TUBA8: variants seen among roughly 807,000 people sequenced by gnomAD.
The protein encoded by TUBA8 is tubulin alpha 8.
TUBA8 carries 29 observed loss-of-function variants against 34.7 expected under a neutral mutation model. The observed-to-expected ratio is 0.84, with a 90% CI of 0.62 to 1.14. TUBA8 has a LOEUF of 1.14. TUBA8 is among the 50% of genes most tolerant of loss of function. The probability of loss-of-function intolerance (pLI) is 0.00; values close to 1 mark genes in which losing one functional copy is unlikely to be tolerated. For missense variants in TUBA8, 541 were observed against 599.2 expected (o/e 0.90, Z 1.01); for synonymous variants, 226 against 231.2 (o/e 0.98, Z 0.21).
intron 1 of TUBA8, chr22:18,113,665 A>G (rs953801854): frequency 2.0e-5 from 3 of 152,278 alleles, no homozygotes; most frequent in Non-Finnish European, 4.4e-5. Context: ...GTAGACAGGC[A>G]TGGCCAAGCT....
intron 1 of TUBA8, chr22:18,116,991 AATT>A (rs1927996053): frequency 6.6e-6 from 1 of 152,340 alleles, no homozygotes; most frequent in Admixed American, 6.5e-5. Context: ...GCGCGTAGTC[AATT>A]ATTATTTGAG....
In TUBA8 at chr22:18,131,378, G is replaced by A; in HGVS notation, c.*242G>A. On this transcript the variant is annotated 3_prime_UTR_variant, in exon 5 of 5. Transcript: ENST00000330423. This position sits in a 1 kb window ranked among gnomAD's most constrained non-coding sequence, Gnocchi z 5.3. ...GAAAGTGAGGGCCACTGTCTCCGGC[G>A]GGTGAGGCTGCAGCCCAGTTTCACA... 7.6e-6 allele frequency: 4 copies of A among 523,522 alleles called. No individual in the cohort carries two copies. The highest frequency in any genetic ancestry group is 4.1e-5 in the South Asian group (2 of 48,254). The allele number at this position is 523,522 out of a possible 1,614,324, so 32.4% of individuals were successfully genotyped here.
chr22:18,123,324 G>C (rs147700690), intron 2 of TUBA8: 6,761 of 144,366 alleles, frequency 0.047, 216 homozygotes, highest in South Asian at 0.1. Context: ...GCGTAATCTC[G>C]GCTCACTGCA....
chr22:18,117,509 C>T (rs1218552041), intron 1 of TUBA8: 1 of 152,306 alleles, frequency 6.6e-6, no homozygotes, highest in African/African-American at 2.4e-5. Flanking sequence ...CCCGATGGCT[C>T]ACGCCTGTAA....
At chr22:18,130,590 A>AT (rs362251) in intron 4 of TUBA8, 17,015 of 479,480 alleles carry the variant, frequency 0.035, 1 homozygote, top group Middle Eastern at 0.048. Flanking sequence ...GGCCTGGCTA[A>AT]TTTTTTTTTT....
intron 1 of TUBA8, chr22:18,114,735 T>C (rs464901): frequency 0.43 from 65,645 of 151,932 alleles, 15,370 homozygotes; most frequent in African/African-American, 0.63. Flanking sequence ...GCACAGGTGG[T>C]CAGGGAGTGT....
In TUBA8 at chr22:18,131,284, C is replaced by T. The variant is rs367759492; in HGVS notation, c.*148C>T. On this transcript the variant is annotated 3_prime_UTR_variant, in exon 5 of 5. Coordinates refer to ENST00000330423, the MANE Select transcript of TUBA8 (RefSeq NM_018943.3). This position sits in a 1 kb window ranked among gnomAD's most constrained non-coding sequence, Gnocchi z 5.3. ...CCTGGCCCCAGTACCCAGGGTGGCA[C>T]GACTGGGCTAAGTGGACACTGAGCT... 9.9e-5 allele frequency: 79 copies of T among 799,560 alleles called. No homozygotes were observed. Among genetic ancestry groups the T allele is most frequent in the African/African-American group, 8.0e-4 (47 of 58,654 alleles). 49.5% of individuals were successfully genotyped at this position (799,560 alleles called of 1,614,324 possible).
intron 4 of TUBA8, chr22:18,127,505 TGCCTCAGCCTCCCAAGTAGCTGG>T (rs1044957260): frequency 6.5e-6 from 1 of 154,816 alleles, no homozygotes; most frequent in Admixed American, 6.4e-5. Flanking sequence ...GCCATTCTCC[TGCCTCAGCCTCCCAAGTAGCTGG>T]GACTACAGGC....
intron 4 of TUBA8, chr22:18,128,996 T>C (rs1482415986): frequency 1.3e-5 from 2 of 152,276 alleles, no homozygotes; most frequent in African/African-American, 2.4e-5. Context: ...GCTGGCCTCA[T>C]AGCTGCCCTG....
intron 1 of TUBA8, chr22:18,112,425 A>C (rs1476522812): frequency 6.6e-6 from 1 of 152,192 alleles, no homozygotes; most frequent in African/African-American, 2.4e-5. Flanking sequence ...TAATATTTAT[A>C]ATATCTAGCA....
chr22:18,130,692 C>A, intron 4 of TUBA8, 151 bp from the exon 5 acceptor site: 2 of 976,124 alleles, frequency 2.0e-6, no homozygotes, highest in Non-Finnish European at 3.1e-6. Flanking sequence ...CTTCCCCAGT[C>A]CCATCCCGCC....
At position 18,118,256 on chromosome 22, in the gene TUBA8, T is replaced by C. The variant is rs1278495872; in HGVS notation, c.4-3223T>C. On this transcript the variant is annotated intron_variant, in intron 1 of 4. Transcript: ENST00000330423. The surrounding 1 kb of genome is among the most constrained non-coding windows in gnomAD (Gnocchi z 4.0). ...TAGGGCAATATTTGATAATCTATTA[T>C]TCGGTCCACATTGCTTAGCAGACAT... 1 of 152,222 alleles carries C rather than the reference T, an allele frequency of 6.6e-6. No homozygotes were observed. Among genetic ancestry groups the C allele is most frequent in the Non-Finnish European group, 1.5e-5 (1 of 68,042 alleles). 9.4% of individuals were successfully genotyped at this position (152,222 alleles called of 1,614,324 possible). A position where few individuals can be genotyped will look rare whatever the true frequency, so the allele number is the denominator to read the frequency against.
chr22:18,127,383 A>C, intron 4 of TUBA8: 2 of 198,162 alleles, frequency 1.0e-5, no homozygotes, highest in Non-Finnish European at 2.0e-5. Flanking sequence ...AATTTGCCTA[A>C]CGTTAGTTTT....
chr22:18,121,455 C>T lies in TUBA8; in HGVS notation c.4-24C>T. 1 of 1,608,466 alleles carries T rather than the reference C, an allele frequency of 6.2e-7. No individual in the cohort carries two copies. The highest frequency in any genetic ancestry group is 8.5e-7 in the Non-Finnish European group (1 of 1,174,748). On this transcript the variant is annotated intron_variant, in intron 1 of 4. Transcript: ENST00000330423. This position sits in a 1 kb window ranked among gnomAD's most constrained non-coding sequence, Gnocchi z 4.8. ...ATGCTGGGGGCCCAGACTCTCTGACCTCGTTGCTTCCCTCTCCCCACAGCG... is the reference window on the plus strand; with the variant it reads ...ATGCTGGGGGCCCAGACTCTCTGACTTCGTTGCTTCCCTCTCCCCACAGCG...
intron 1 of TUBA8, chr22:18,120,117 C>T (rs1928104722): frequency 6.6e-6 from 1 of 152,324 alleles, no homozygotes; most frequent in Admixed American, 6.5e-5. Flanking sequence ...TCTCCCCACC[C>T]CCCTTTTTCT....
rs1927796207 is a variant in TUBA8, at chr22:18,111,231, G to T, written c.3+363G>T. The T allele has an allele frequency of 2.6e-6, 1 of 384,152 alleles. No homozygotes were observed. The highest frequency in any genetic ancestry group is 4.7e-6 in the Non-Finnish European group (1 of 212,656). The allele number at this position is 384,152 out of a possible 1,614,324, so 23.8% of individuals were successfully genotyped here. The stretch of plus-strand genomic sequence containing the variant: ...GAGAAGGGCGAGTCCGGGGATTCTG[G>T]ATGGGTGGTCTGGGCCGGGGCGACT... On this transcript the variant is annotated intron_variant, in intron 1 of 4. Transcript: ENST00000330423. This position sits in a 1 kb window ranked among gnomAD's most constrained non-coding sequence, Gnocchi z 5.1.
chr22:18,130,952 C>T lies in TUBA8; in HGVS notation c.1166C>T (p.Ala389Val), dbSNP rs1928487453. 1 of 1,614,042 alleles carries T rather than the reference C, an allele frequency of 6.2e-7. No individual in the cohort carries two copies. Among genetic ancestry groups the T allele is most frequent in the Admixed American group, 1.7e-5 (1 of 60,000 alleles). ...SNTTAIAEAW[A>V]RLDHKFDLMY... ...ACCACGGCCATTGCGGAGGCCTGGG[C>T]CCGCCTCGACCACAAGTTCGACCTC... Residue 389 changes from alanine to valine, a missense_variant, in exon 5 of 5, where the codon GCC becomes GTC. Coordinates refer to ENST00000330423, the MANE Select transcript of TUBA8 (RefSeq NM_018943.3).
intron 1 of TUBA8, chr22:18,116,474 C>T (rs976101627): frequency 6.6e-6 from 1 of 152,214 alleles, no homozygotes; most frequent in Non-Finnish European, 1.5e-5. Context: ...CCCTTTTCCT[C>T]TCTGAGCTCA....
chr22:18,129,406 T>TAA (rs1042755073), intron 4 of TUBA8: 10 of 152,256 alleles, frequency 6.6e-5, no homozygotes, highest in African/African-American at 2.4e-4. Context: ...AGGATGCTGC[T>TAA]AAACTTCATC....
Sources: allele counts gnomAD v4.1 joint callset, GRCh38; gene constraint gnomAD v4.1.1; non-coding constraint Gnocchi (gnomAD v3.1); transcripts MANE v1.5; gene names NCBI Gene and HGNC (gene_info 2026-07-23, HGNC 2026-07-21).